GATA4: variants seen among roughly 807,000 people sequenced by gnomAD.
The protein encoded by GATA4 is GATA binding protein 4.
Under a neutral mutation model 37.9 loss-of-function variants are expected in GATA4, and 7 were observed. The ratio of observed to expected loss-of-function variants is 0.18; its 90% CI spans 0.11 to 0.35. GATA4 has a LOEUF of 0.35. Among genes scored for constraint, GATA4 ranks in the 10% least tolerant of loss-of-function variants. The pLI is 1.00. For missense variants in GATA4, 647 were observed against 653.0 expected, an observed-to-expected ratio of 0.99 and a Z score of 0.10; for synonymous variants, 372 against 292.6, an observed-to-expected ratio of 1.27 and a Z score of -2.77.
upstream of GATA4, among the ~76,000 whole-genome samples, chr8:11,688,448 T>C (rs1381210209): frequency 6.6e-6 from 1 of 152,176 alleles, no homozygotes; most frequent in South Asian, 2.1e-4. Context: ...TAAAGGATAT[T>C]CCAGCCATCA....
intron 1 of GATA4, among the ~76,000 whole-genome samples, chr8:11,683,371 A>C (rs1360402788): frequency 6.6e-6 from 1 of 152,324 alleles, no homozygotes; most frequent in East Asian, 1.9e-4. Context: ...GCCGGTAAAT[A>C]GTAATTCTAC....
At chr8:11,731,377 G>C (rs1801201011) in intron 2 of GATA4, among the ~76,000 whole-genome samples, 1 of 152,254 alleles carries the variant, frequency 6.6e-6, no homozygotes, top group Non-Finnish European at 1.5e-5. Flanking sequence ...TGTGGTCTGT[G>C]TGCTCAGTGG....
At chr8:11,698,693 C>T (rs1300850584) in intron 1 of GATA4, among the ~76,000 whole-genome samples, 1 of 152,174 alleles carries the variant, frequency 6.6e-6, no homozygotes, top group Admixed American at 6.5e-5. Flanking sequence ...CCCGGGGACT[C>T]CCTCGCCAGT....
upstream of GATA4, among the ~76,000 whole-genome samples, chr8:11,703,314 G>C (rs950819013): frequency 2.0e-5 from 3 of 152,154 alleles, no homozygotes; most frequent in Non-Finnish European, 2.9e-5. Context: ...CTTTAGACCT[G>C]TCTGAGGGAC....
chr8:11,692,881 C>G, intron 1 of GATA4: 1 of 981,164 alleles, frequency 1.0e-6, no homozygotes, highest in Non-Finnish European at 1.2e-6. Flanking sequence ...GTTTGCGCCG[C>G]CCGCCGCCCC....
At chr8:11,734,689 C>T (rs1801371824) in intron 2 of GATA4, among the ~76,000 whole-genome samples, 1 of 152,110 alleles carries the variant, frequency 6.6e-6, no homozygotes, top group Non-Finnish European at 1.5e-5. Flanking sequence ...GGGGTTTCAC[C>T]ATGTTGGTCA....
intron 1 of GATA4, among the ~76,000 whole-genome samples, chr8:11,687,513 G>A (rs1015840936): frequency 5.9e-5 from 9 of 152,188 alleles, no homozygotes; most frequent in African/African-American, 2.2e-4. Context: ...ATGAATAATT[G>A]TTGTGGTTTA....
chr8:11,748,819 A>C, intron 2 of GATA4, 97 bp from the exon 3 acceptor site: 1 of 1,403,380 alleles, frequency 7.1e-7, no homozygotes, highest in Non-Finnish European at 1.0e-6. Context: ...AGGAAAGGGC[A>C]TTGTTTCTGT....
At chr8:11,698,088 G>A (rs1451945302) in intron 1 of GATA4, 2 of 856,808 alleles carry the variant, frequency 2.3e-6, no homozygotes, top group Non-Finnish European at 2.8e-6. Flanking sequence ...CCGCTTTCTG[G>A]CGTCCGTCCT....
At chr8:11,685,180 C>A (rs1262929995) in intron 1 of GATA4, among the ~76,000 whole-genome samples, 2 of 152,260 alleles carry the variant, frequency 1.3e-5, no homozygotes, top group Non-Finnish European at 2.9e-5. Flanking sequence ...ATTACACGAT[C>A]ATTAAATTAT....
chr8:11,726,218 G>A (rs949160199), intron 2 of GATA4, among the ~76,000 whole-genome samples: 7 of 152,146 alleles, frequency 4.6e-5, no homozygotes, highest in South Asian at 2.1e-4. Context: ...CATCTTCGGC[G>A]GGAGCGGAGC....
chr8:11,693,560 CACAGAGAG>C (rs1325802301), intron 1 of GATA4, among the ~76,000 whole-genome samples: 1,044 of 68,822 alleles, frequency 0.015, 4 homozygotes, highest in South Asian at 0.044. Flanking sequence ...CACACACACA[CACAGAGAG>C]AGAGAGAGAG....
intron 2 of GATA4, among the ~76,000 whole-genome samples, chr8:11,711,173 T>C (rs1035200641): frequency 6.6e-6 from 1 of 152,228 alleles, no homozygotes; most frequent in African/African-American, 2.4e-5. Context: ...ATGTCAGCCA[T>C]GCCATGTAGA....
At chr8:11,741,489 C>A (rs991018306) in intron 2 of GATA4, among the ~76,000 whole-genome samples, 11 of 151,312 alleles carry the variant, frequency 7.3e-5, no homozygotes, top group Admixed American at 2.6e-4. Flanking sequence ...AAAAAACAAA[C>A]AAACAAAAAA....
chr8:11,680,249 C>T (rs1798913145), intron 1 of GATA4, among the ~76,000 whole-genome samples: 1 of 152,228 alleles, frequency 6.6e-6, no homozygotes, highest in Non-Finnish European at 1.5e-5. Flanking sequence ...CCTGAGTGGG[C>T]AGGCGGGAGA....
In GATA4 at chr8:11,707,701, C is replaced by T. The variant is rs1409203301; in HGVS notation, c.-457-155C>T. Among the ~76,000 whole-genome samples the T allele has an allele frequency of 6.6e-6, 1 of 152,220 alleles. No homozygotes were observed. The highest frequency in any genetic ancestry group is 2.1e-4 in the South Asian group (1 of 4,834). ...CAACGCCTGGACAAAACAAAGGCCC[C>T]TGCTTCCCGGCACCGCGCGGCCTCC... On this transcript the variant is annotated intron_variant, in intron 1 of 6. Transcript: ENST00000532059. This position sits in a 1 kb window ranked among gnomAD's most constrained non-coding sequence, Gnocchi z 4.7.
chr8:11,677,260 G>T (rs1167813008), intron 1 of GATA4, among the ~76,000 whole-genome samples: 1 of 152,222 alleles, frequency 6.6e-6, no homozygotes, highest in Non-Finnish European at 1.5e-5. Flanking sequence ...GGCCTTTGCG[G>T]ACAGGAAGGA....
At chr8:11,737,363 C>G (rs1801513673) in intron 2 of GATA4, among the ~76,000 whole-genome samples, 1 of 152,200 alleles carries the variant, frequency 6.6e-6, no homozygotes, top group South Asian at 2.1e-4. Flanking sequence ...AGGCCATGGG[C>G]CTGGAAGGAA....
upstream of GATA4, among the ~76,000 whole-genome samples, chr8:11,702,312 G>A (rs1046888409): frequency 6.6e-6 from 1 of 152,056 alleles, no homozygotes; most frequent in Non-Finnish European, 1.5e-5. This position sits in a 1 kb window ranked among gnomAD's most constrained non-coding sequence, Gnocchi z 4.4. Flanking sequence ...GCGCGTGGGA[G>A]GCAGCTCTGA....
Sources: allele counts gnomAD v4.1 joint callset (sites outside exome capture counted in the v4.1 genomes callset), GRCh38; gene constraint gnomAD v4.1.1; non-coding constraint Gnocchi (gnomAD v3.1); transcripts MANE v1.5; gene names NCBI Gene and HGNC (gene_info 2026-07-23, HGNC 2026-07-21).